Variants in CCDC191 observed in about 807,000 individuals in gnomAD.
CCDC191 encodes coiled-coil domain-containing protein 191.
A neutral mutation model predicts 114.0 loss-of-function variants in CCDC191; 99 were observed. That is an observed-to-expected ratio of 0.87 (90% CI 0.74 to 1.03). The LOEUF (loss-of-function observed/expected upper bound fraction) is 1.03. Among genes scored for constraint, CCDC191 ranks in the 50% least tolerant of loss-of-function variants. The pLI, the probability that CCDC191 is intolerant of heterozygous loss-of-function variation, is 0.00. For missense variants in CCDC191, 973 were observed against 1,087.0 expected, an observed-to-expected ratio of 0.90 and a Z score of 1.47; for synonymous variants, 351 against 376.0, an observed-to-expected ratio of 0.93 and a Z score of 0.77.
intron 13 of CCDC191, chr3:113,983,908 A>T (rs932411167): frequency 1.3e-5 from 2 of 152,138 alleles, no homozygotes; most frequent in African/African-American, 4.8e-5. Flanking sequence ...GGGTGTTAAG[A>T]AGAGGTTAGA....
intron 5 of CCDC191, among the ~76,000 whole-genome samples, chr3:114,036,353 TG>T (rs1324616687): frequency 6.6e-6 from 1 of 152,214 alleles, no homozygotes; most frequent in Non-Finnish European, 1.5e-5. Flanking sequence ...ATAAGGTTTA[TG>T]TCAATACTCT....
intron 15 of CCDC191, 186 bp downstream of exon 15, chr3:113,978,672 A>T: frequency 1.5e-6 from 1 of 668,722 alleles, no homozygotes; most frequent in Non-Finnish European, 2.5e-6. Flanking sequence ...ACACAGGCTT[A>T]GGATTTTACA....
intron 6 of CCDC191, among the ~76,000 whole-genome samples, chr3:114,032,594 T>G (rs1320647575): frequency 1.3e-5 from 2 of 152,222 alleles, no homozygotes; most frequent in African/African-American, 4.8e-5. Context: ...CTGATCTTTC[T>G]TGAACTTTTA....
chr3:113,983,385 G>A (rs1033013284), intron 13 of CCDC191, among the ~76,000 whole-genome samples: 2 of 151,850 alleles, frequency 1.3e-5, no homozygotes, highest in African/African-American at 4.8e-5. Flanking sequence ...TTTCACTTGC[G>A]TACACAGTCT....
chr3:113,982,119 T>C (rs539301306), intron 13 of CCDC191, among the ~76,000 whole-genome samples: 66 of 152,348 alleles, frequency 4.3e-4, no homozygotes, highest in African/African-American at 1.4e-3. Context: ...CTTGTTCCCA[T>C]GCAGAGATAA....
intron 13 of CCDC191, among the ~76,000 whole-genome samples, chr3:113,997,840 T>C (rs886524702): frequency 4.6e-5 from 7 of 152,222 alleles, no homozygotes; most frequent in African/African-American, 1.7e-4. Flanking sequence ...GTGGTTATTC[T>C]AATTCATAGT....
At chr3:114,008,409 C>T (rs1341200365) in intron 9 of CCDC191, among the ~76,000 whole-genome samples, 1 of 151,980 alleles carries the variant, frequency 6.6e-6, no homozygotes, top group Admixed American at 6.6e-5. Flanking sequence ...AACTAGCCTA[C>T]TTGCTAGCAA....
At position 114,001,638 on chromosome 3, in the gene CCDC191, GCC is replaced by G; in HGVS notation, c.2118_2119del (p.Glu706AspfsTer4). 6.2e-7 allele frequency: 1 copy of G among 1,613,730 alleles called. No individual in the cohort carries two copies. Among genetic ancestry groups the G allele is most frequent in the Non-Finnish European group, 8.5e-7 (1 of 1,179,706 alleles). ...CTCTTCTCGTTTTCTTTCAAGCTGT[GCC>G]TCCTTTTCTTCTGCCTCCCTTTTCT... On this transcript the variant is annotated frameshift_variant, in exon 13 of 17. Coordinates refer to ENST00000295878, the MANE Select transcript of CCDC191 (RefSeq NM_020817.2). LOFTEE classifies it high-confidence loss of function.
At chr3:114,019,159 C>A (rs2076209040) in intron 7 of CCDC191, among the ~76,000 whole-genome samples, 1 of 152,198 alleles carries the variant, frequency 6.6e-6, no homozygotes, top group Non-Finnish European at 1.5e-5. Flanking sequence ...ACATCTATGA[C>A]ATGAACCAAG....
chr3:113,965,767 G>C (rs1422337279), intron 16 of CCDC191, among the ~76,000 whole-genome samples: 1 of 150,966 alleles, frequency 6.6e-6, no homozygotes, highest in African/African-American at 2.4e-5. Context: ...TTTTTTTTTT[G>C]TATTTTTATT....
intron 2 of CCDC191, among the ~76,000 whole-genome samples, chr3:114,048,536 C>G (rs545600012): frequency 6.6e-6 from 1 of 152,280 alleles, no homozygotes; most frequent in East Asian, 1.9e-4. Context: ...TCAGTGTGTT[C>G]CCAGCTTAGG....
At chr3:114,000,034 A>G (rs1418559125) in intron 13 of CCDC191, among the ~76,000 whole-genome samples, 1 of 152,130 alleles carries the variant, frequency 6.6e-6, no homozygotes, top group Non-Finnish European at 1.5e-5. Flanking sequence ...CGGTTTAAGG[A>G]GATGTGCATG....
intron 1 of CCDC191, chr3:114,054,027 T>C (rs1324642309): frequency 1.3e-5 from 2 of 156,276 alleles, no homozygotes; most frequent in South Asian, 2.1e-4. Context: ...CCAAGTAATC[T>C]TTAGCTTAAA....
In CCDC191 at chr3:114,046,659, G is replaced by A; in HGVS notation, c.203C>T (p.Pro68Leu). 6.2e-7 allele frequency: 1 copy of A among 1,612,308 alleles called. No individual in the cohort carries two copies. Among genetic ancestry groups the A allele is most frequent in the Non-Finnish European group, 8.5e-7 (1 of 1,178,666 alleles). Residue 68 changes from proline to leucine, a missense_variant, in exon 3 of 17, where the codon CCC (proline) becomes CTC (leucine). Transcript: ENST00000295878. ...FTRNSDLPRS[P>L]WGQITDLKTS... ...TTTCAAATCTGTGATTTGGCCCCAG[G>A]GACTTCTAGGTAAATCTGAATTTCT...
chr3:114,015,616 C>A (rs2076146980), intron 8 of CCDC191, among the ~76,000 whole-genome samples: 1 of 152,066 alleles, frequency 6.6e-6, no homozygotes, highest in Non-Finnish European at 1.5e-5. Flanking sequence ...AATGAACACA[C>A]TAAGGAAATT....
chr3:113,988,879 C>T (rs574342017), intron 13 of CCDC191, among the ~76,000 whole-genome samples: 78 of 151,946 alleles, frequency 5.1e-4, no homozygotes, highest in Admixed American at 1.4e-3. Context: ...CTGCAAGCTC[C>T]GCCTCCCGGG....
rs1227190380 is a variant in CCDC191, at chr3:114,036,610, G to A, written c.592C>T (p.Gln198Ter). 2 of 1,590,758 alleles carry A rather than the reference G, an allele frequency of 1.3e-6. No individual in the cohort carries two copies. Among genetic ancestry groups the A allele is most frequent in the South Asian group, 2.3e-5 (2 of 87,438 alleles). ...PRLTMEMRHK[Q>*]VKENRLRREK... Reference sequence around the variant, plus strand: ...TTAATTTTGTTTTTCCCTCCCACCTGCTTATGTCTCATCTCCATGGTAAGA... The same window carrying A: ...TTAATTTTGTTTTTCCCTCCCACCTACTTATGTCTCATCTCCATGGTAAGA... Residue 198 changes from glutamine to a stop codon, truncating the protein, a stop_gained and splice_region_variant, in exon 5 of 17, where the codon CAG (glutamine) becomes TAG (stop). Coordinates refer to ENST00000295878, the MANE Select transcript of CCDC191 (RefSeq NM_020817.2). LOFTEE classifies it high-confidence loss of function.
chr3:114,035,456 G>C (rs1037118287), intron 5 of CCDC191, among the ~76,000 whole-genome samples: 3 of 152,198 alleles, frequency 2.0e-5, no homozygotes, highest in African/African-American at 7.2e-5. Context: ...TTTCTCACTT[G>C]TAAGATTGTC....
intron 4 of CCDC191, among the ~76,000 whole-genome samples, chr3:114,039,191 G>A (rs538619243): frequency 5.2e-4 from 79 of 151,862 alleles, no homozygotes; most frequent in Non-Finnish European, 8.7e-4. Flanking sequence ...CATTATCTTA[G>A]AGTCTATTCC....
Sources: allele counts gnomAD v4.1 joint callset (sites outside exome capture counted in the v4.1 genomes callset), GRCh38; gene constraint gnomAD v4.1.1; transcripts MANE v1.5; gene names NCBI Gene and HGNC (gene_info 2026-07-23, HGNC 2026-07-21).